The following TADA3 variants were observed in gnomAD, a reference collection of about 807,000 sequenced individuals.
TADA3 encodes transcriptional adaptor 3, also known as transcriptional adapter 3.
In TADA3, 25 loss-of-function variants were observed where a neutral mutation model predicts 43.2. The observed-to-expected ratio is 0.58, with a 90% confidence interval of 0.42 to 0.81. TADA3 has a LOEUF of 0.81. Among genes scored for constraint, TADA3 ranks in the 30% least tolerant of loss-of-function variants. TADA3 has a pLI of 0.00. For synonymous variants in TADA3, 235 were observed against 225.5 expected (o/e 1.04, Z -0.38); for missense variants, 441 against 567.8 (o/e 0.78, Z 2.27).
At chr3:9,786,908 C>A in intron 6 of TADA3, 98 bp downstream of exon 6, 1 of 1,172,504 alleles carries the variant, frequency 8.5e-7, no homozygotes. Context: ...TATTTTTGCA[C>A]CAACCTAATA....
intron 8 of TADA3, among the ~76,000 whole-genome samples, chr3:9,780,786 T>C (rs6794714): frequency 4.7e-4 from 71 of 152,332 alleles, no homozygotes; most frequent in African/African-American, 1.4e-3. Flanking sequence ...GACAGGGAGA[T>C]ACGGGAATTC....
intron 2 of TADA3, among the ~76,000 whole-genome samples, chr3:9,790,631 TAA>T (rs1314995696): frequency 6.6e-6 from 1 of 152,252 alleles, no homozygotes; most frequent in East Asian, 1.9e-4. Flanking sequence ...ATGCAGTGAA[TAA>T]AGTCATCAGA....
chr3:9,785,286 A>G (rs1325909110), intron 7 of TADA3, 30 bp downstream of exon 7: 1 of 1,555,730 alleles, frequency 6.4e-7, no homozygotes, highest in Non-Finnish European at 8.9e-7. Flanking sequence ...CGGGGGCCAG[A>G]CTGTGGGTTG....
rs1403281515 is a variant in TADA3 at position 9,787,038 on chromosome 3, G to A, written c.778C>T (p.Leu260=). ...QPEDGCPFGA[L]TQRLLQALVE... is the part of the protein sequence containing the mutation. ...AGGGCCTGCAGGAGGCGCTGCGTCA[G>A]GGCACCAAAGGGGCATCCATCTTCC... The change falls in exon 6 of 9, where the codon CTG becomes TTG. Residue 260 remains leucine, a synonymous_variant. Coordinates refer to ENST00000301964, the MANE Select transcript of TADA3 (RefSeq NM_006354.5). 3 of 1,614,210 alleles carry A rather than the reference G, an allele frequency of 1.9e-6. No homozygotes were observed. Among genetic ancestry groups the A allele is most frequent in the Admixed American group, 1.7e-5 (1 of 60,010 alleles).
At chr3:9,789,486 C>A in intron 4 of TADA3, 23 bp downstream of exon 4, 3 of 1,603,058 alleles carry the variant, frequency 1.9e-6, no homozygotes, top group Non-Finnish European at 2.6e-6. Context: ...CGCATCATGT[C>A]TATCAAGGCC....
intron 1 of TADA3, 140 bp from the exon 2 acceptor site, chr3:9,791,633 G>A (rs1289368011): frequency 3.5e-6 from 2 of 576,944 alleles, no homozygotes; most frequent in Non-Finnish European, 3.0e-6. Flanking sequence ...CTACTCACAG[G>A]GCACTTAACT....
intron 7 of TADA3, among the ~76,000 whole-genome samples, chr3:9,784,737 C>T (rs1472861108): frequency 2.0e-5 from 3 of 151,824 alleles, no homozygotes; most frequent in Non-Finnish European, 1.5e-5. Context: ...TGGTGGCAGG[C>T]GCCTGTAATC....
intron 8 of TADA3, 83 bp from the exon 9 acceptor site, chr3:9,780,632 C>G (rs563055936): frequency 2.8e-6 from 4 of 1,420,456 alleles, no homozygotes; most frequent in South Asian, 2.7e-5. Context: ...AGCCTACCCA[C>G]CAGCCCAGGC....
Position 9,783,819 on chromosome 3 carries a change from T to C in TADA3, c.1106+209A>G, listed in dbSNP as rs2078539300. ...AAAACAAATCAAATCAATCGGTCAG[T>C]CACAGATGCCTGAGCCCCACTCTGT... On this transcript the variant is annotated intron_variant, in intron 8 of 8. Transcript: ENST00000301964. 5.8e-6 allele frequency: 5 copies of C among 858,156 alleles called. No homozygotes were observed. The East Asian group carries it at 1.5e-4, about 26-fold the overall frequency. The allele number at this position is 858,156 out of a possible 1,614,324, so 53.2% of individuals were successfully genotyped here.
chr3:9,789,537 G>T lies in TADA3; in HGVS notation c.536C>A (p.Pro179His). The change falls in exon 4 of 9, where the codon CCC becomes CAC. Residue 179 changes from proline (P) to histidine (H), a missense_variant. Coordinates refer to ENST00000301964, the MANE Select transcript of TADA3 (RefSeq NM_006354.5). ...GTAATGCTCAGCCTCATCTTCTGGGGGCTTCAGTAACTCCTCAAGTGTGCG... is the reference window on the plus strand; with the variant it reads ...GTAATGCTCAGCCTCATCTTCTGGGTGCTTCAGTAACTCCTCAAGTGTGCG... ...EVRTLEELLK[P>H]PEDEAEHYKI... The T allele has an allele frequency of 6.2e-7, 1 of 1,614,120 alleles. No homozygotes were observed. Among genetic ancestry groups the T allele is most frequent in the Non-Finnish European group, 8.5e-7 (1 of 1,180,022 alleles).
In TADA3 at chr3:9,789,927, G is replaced by A. The variant is rs766457564; in HGVS notation, c.244C>T (p.Arg82Ter). 3 of 1,610,158 alleles carry A rather than the reference G, an allele frequency of 1.9e-6. No individual in the cohort carries two copies. Among genetic ancestry groups the A allele is most frequent in the East Asian group, 2.2e-5 (1 of 44,852 alleles). ...TGGTCTCGACCCAGCTTCAGGAATC[G>A]TCTGTCACCTTTCTTATCCTGCCAG... ...TDWQDKKGDRRFLKLGRDHEL... is the reference protein window; with the variant it reads ...TDWQDKKGDR Residue 82 changes from arginine (R) to a stop codon, truncating the protein, a stop_gained, in exon 3 of 9, where the codon CGA becomes TGA. Coordinates refer to ENST00000301964, the MANE Select transcript of TADA3 (RefSeq NM_006354.5). LOFTEE classifies it high-confidence loss of function.
At chr3:9,783,998 C>T (rs1453697128) in intron 8 of TADA3, 30 bp downstream of exon 8, 1 of 1,601,178 alleles carries the variant, frequency 6.2e-7, no homozygotes, top group Non-Finnish European at 8.5e-7. Flanking sequence ...CAAGGCCACC[C>T]CCGGGACTGT....
intron 5 of TADA3, 23 bp downstream of exon 5, chr3:9,787,176 T>TG: frequency 6.2e-7 from 1 of 1,614,194 alleles, no homozygotes; most frequent in African/African-American, 1.3e-5. Context: ...GACCTGGGGT[T>TG]GGCAGGGAGG....
chr3:9,792,365 C>A lies in TADA3; in HGVS notation c.-177G>T. On this transcript the variant is annotated 5_prime_UTR_variant, in exon 1 of 9. The change creates a new upstream start codon in the 5' untranslated region. Transcript: ENST00000301964. ...AGAGTCCTCGTTCTCTAGGGACACC[C>A]TAGTGCGACCCCCGCCCCCTCTACC... The A allele has an allele frequency of 2.2e-6, 1 of 464,570 alleles. No homozygotes were observed. The highest frequency in any genetic ancestry group is 2.9e-6 in the Non-Finnish European group (1 of 346,300). The allele number at this position is 464,570 out of a possible 1,614,324, so 28.8% of individuals were successfully genotyped here. A position where few individuals can be genotyped will look rare whatever the true frequency, so the allele number is the denominator to read the frequency against.
chr3:9,781,982 G>T (rs1299241261), intron 8 of TADA3, among the ~76,000 whole-genome samples: 1 of 151,882 alleles, frequency 6.6e-6, no homozygotes, highest in Non-Finnish European at 1.5e-5. Flanking sequence ...CTATAGGCAT[G>T]TGCCACCATG....
Position 9,792,388 on chromosome 3 carries a change from A to G in TADA3, c.-200T>C, listed in dbSNP as rs1205218198. On this transcript the variant is annotated 5_prime_UTR_variant, in exon 1 of 9. Transcript: ENST00000301964. ...CCCTAGTGCGACCCCCGCCCCCTCT[A>G]CCTCCTCGCTGCGGCCTCCTACGGC... 2 of 705,618 alleles carry G rather than the reference A, an allele frequency of 2.8e-6. No homozygotes were observed. The highest frequency in any genetic ancestry group is 1.7e-4 in the East Asian group (2 of 11,718). The allele number at this position is 705,618 out of a possible 1,614,324, so 43.7% of individuals were successfully genotyped here.
At position 9,784,469 on chromosome 3, in the gene TADA3, GTTATATATTA is replaced by G. The variant is rs1263063225; in HGVS notation, c.921-266_921-257del. Among the ~76,000 whole-genome samples the G allele has an allele frequency of 2.6e-5, 4 of 151,966 alleles. No individual in the cohort carries two copies. In the East Asian group the frequency reaches 7.7e-4, roughly 29 times the overall value. ...ACCCAGAGAGAATTACTATTATTTTGTTATATATTATTATATATATTCCAGATTTTGTTAT... is the reference window on the plus strand; with the variant it reads ...ACCCAGAGAGAATTACTATTATTTTGTTATATATATTCCAGATTTTGTTAT... On this transcript the variant is annotated intron_variant, in intron 7 of 8. Coordinates refer to ENST00000301964, the MANE Select transcript of TADA3 (RefSeq NM_006354.5).
Position 9,791,486 on chromosome 3 carries a change from C to T in TADA3, c.-20G>A, listed in dbSNP as rs1321102314. The T allele has an allele frequency of 1.3e-6, 2 of 1,585,130 alleles. No individual in the cohort carries two copies. The highest frequency in any genetic ancestry group is 3.4e-5 in the Admixed American group (2 of 58,566). On this transcript the variant is annotated 5_prime_UTR_variant, in exon 2 of 9. Coordinates refer to ENST00000301964, the MANE Select transcript of TADA3 (RefSeq NM_006354.5). ...ACTCATGGCCCAGGATATGGGGATC[C>T]TGTGGAGCTGGAGAGGACAGGGCCA...
intron 7 of TADA3, 60 bp from the exon 8 acceptor site, chr3:9,784,273 G>A (rs2078552401): frequency 1.3e-6 from 2 of 1,556,848 alleles, no homozygotes; most frequent in Middle Eastern, 2.1e-4. Flanking sequence ...GCCCACCTTG[G>A]AGGTTCCCAG....
Sources: allele counts gnomAD v4.1 joint callset (sites outside exome capture counted in the v4.1 genomes callset), GRCh38; gene constraint gnomAD v4.1.1; transcripts MANE v1.5; gene names NCBI Gene and HGNC (gene_info 2026-07-23, HGNC 2026-07-21).